The following SPATS2 variants were observed in gnomAD, a reference collection of about 807,000 sequenced individuals.
SPATS2 encodes the protein spermatogenesis associated serine rich 2.
Under a neutral mutation model 63.7 loss-of-function variants are expected in SPATS2, and 38 were observed. The ratio of observed to expected loss-of-function variants is 0.60; its 90% confidence interval spans 0.46 to 0.78. SPATS2 has a LOEUF of 0.78. Among genes scored for constraint, SPATS2 ranks in the 30% least tolerant of loss-of-function variants. The pLI, the probability that SPATS2 is intolerant of heterozygous loss-of-function variation, is 0.00. For missense variants in SPATS2, 588 were observed against 666.2 expected, an observed-to-expected ratio of 0.88 and a Z score of 1.29; for synonymous variants, 207 against 232.9, an observed-to-expected ratio of 0.89 and a Z score of 1.01.
intron 3 of SPATS2, among the ~76,000 whole-genome samples, chr12:49,477,077 T>G (rs1946131399): frequency 6.6e-6 from 1 of 150,726 alleles, no homozygotes. Context: ...CACTCCGGCC[T>G]GGGCAACAAG....
At chr12:49,449,000 A>G (rs934258624) in intron 2 of SPATS2, among the ~76,000 whole-genome samples, 1 of 152,246 alleles carries the variant, frequency 6.6e-6, no homozygotes, top group African/African-American at 2.4e-5. Context: ...CAAATACAAT[A>G]CATAAATCAA....
At chr12:49,389,878 GA>G in intron 2 of SPATS2, 1 of 828,096 alleles carries the variant, frequency 1.2e-6, no homozygotes, top group Non-Finnish European at 2.2e-6. Context: ...GATGATCCGG[GA>G]AAAATAATGA....
At chr12:49,426,712 T>A (rs187152161) in intron 2 of SPATS2, among the ~76,000 whole-genome samples, 1 of 152,034 alleles carries the variant, frequency 6.6e-6, no homozygotes, top group Admixed American at 6.6e-5. Context: ...CCCAGCTAAT[T>A]TTTTGTATTT....
intron 13 of SPATS2, 66 bp from the exon 14 acceptor site, chr12:49,525,878 G>C: frequency 6.5e-7 from 1 of 1,538,684 alleles, no homozygotes; most frequent in Non-Finnish European, 8.8e-7. Flanking sequence ...GAATACTCCT[G>C]TAAAGTGAAC....
intron 3 of SPATS2, chr12:49,463,104 A>G (rs1341341347): frequency 6.6e-6 from 1 of 152,108 alleles, no homozygotes; most frequent in Non-Finnish European, 1.5e-5. Context: ...AAAAGAATTT[A>G]AATTTTAGAC....
intron 2 of SPATS2, among the ~76,000 whole-genome samples, chr12:49,411,564 T>C (rs143348124): frequency 2.0e-3 from 304 of 152,304 alleles, no homozygotes; most frequent in African/African-American, 6.7e-3. Flanking sequence ...AAGAATCATA[T>C]CTAAAGCAGA....
chr12:49,385,427 G>A (rs796869632), intron 2 of SPATS2, among the ~76,000 whole-genome samples: 3 of 150,402 alleles, frequency 2.0e-5, no homozygotes, highest in African/African-American at 7.4e-5. Context: ...AGATTCAGAT[G>A]TAGTGAGGGA....
intron 2 of SPATS2, among the ~76,000 whole-genome samples, chr12:49,413,414 A>G (rs1944833404): frequency 6.6e-6 from 1 of 151,858 alleles, no homozygotes; most frequent in African/African-American, 2.4e-5. Flanking sequence ...CCGTAGAGAC[A>G]GGGTCTTGCT....
chr12:49,505,080 A>T (rs1373959961), intron 9 of SPATS2, among the ~76,000 whole-genome samples: 1 of 149,416 alleles, frequency 6.7e-6, no homozygotes, highest in Non-Finnish European at 1.5e-5. Context: ...TTTTTTTTTT[A>T]ACGTTAAATC....
chr12:49,410,805 CCAG>C (rs1231803506), intron 2 of SPATS2, among the ~76,000 whole-genome samples: 8 of 149,962 alleles, frequency 5.3e-5, no homozygotes, highest in African/African-American at 2.0e-4. Flanking sequence ...TTTTTGGAAA[CCAG>C]CATTTTCTCC....
In SPATS2 at chr12:49,401,924, C is replaced by G. The variant is rs142974023; in HGVS notation, c.-244+30634C>G. ...TGTTGGCCAGGCTGGTCTTGAACTC[C>G]TGACCTCAAATGATCCACCTGCCTG... is the stretch of plus-strand genomic sequence containing the variant. On this transcript the variant is annotated intron_variant, in intron 2 of 13. Coordinates refer to ENST00000552918, the MANE Select transcript of SPATS2 (RefSeq NM_023071.4). Among the ~76,000 whole-genome samples, 474 of 152,230 alleles carry G rather than the reference C, an allele frequency of 3.1e-3. 1 individual carries two copies. Among genetic ancestry groups the G allele is most frequent in the Middle Eastern group, 0.01 (3 of 294 alleles).
At chr12:49,493,008 G>T (rs182066021) in intron 6 of SPATS2, among the ~76,000 whole-genome samples, 67 of 151,302 alleles carry the variant, frequency 4.4e-4, no homozygotes, top group Non-Finnish European at 1.6e-4. Flanking sequence ...CAAGTCAGGA[G>T]AATTGCTTGA....
chr12:49,419,236 A>G (rs978402897), intron 2 of SPATS2, among the ~76,000 whole-genome samples: 9 of 152,248 alleles, frequency 5.9e-5, no homozygotes, highest in Non-Finnish European at 1.5e-5. Context: ...ATTCATTTTA[A>G]GACTTACAAT....
intron 8 of SPATS2, among the ~76,000 whole-genome samples, chr12:49,498,137 A>ATATATATAT: frequency 2.5e-5 from 2 of 79,038 alleles, no homozygotes; most frequent in African/African-American, 1.3e-4. Context: ...CAAGCCAAAA[A>ATATATATAT]AAAAAAAAAT....
chr12:49,382,337 A>G (rs991502928), intron 2 of SPATS2, among the ~76,000 whole-genome samples: 4 of 152,260 alleles, frequency 2.6e-5, no homozygotes, highest in Non-Finnish European at 5.9e-5. Flanking sequence ...TGGACAGTAC[A>G]GAAATAAATG....
chr12:49,438,990 A>G (rs1218613263), intron 2 of SPATS2, among the ~76,000 whole-genome samples: 2 of 152,222 alleles, frequency 1.3e-5, no homozygotes, highest in Non-Finnish European at 2.9e-5. Context: ...ATATAATGCT[A>G]GATAGTAACA....
chr12:49,467,738 G>C (rs748334674), intron 3 of SPATS2, among the ~76,000 whole-genome samples: 7 of 151,674 alleles, frequency 4.6e-5, no homozygotes, highest in Non-Finnish European at 7.4e-5. Context: ...TCGCTCTGTC[G>C]CCCAGGCTAG....
In SPATS2 at chr12:49,484,688, GATAGTAAACTTAAATGTC is replaced by G; in HGVS notation, c.105+24_105+41del. On this transcript the variant is annotated intron_variant, in intron 4 of 13. Transcript: ENST00000552918. ...AGAGAAGGTAAGACTAGTCACTATG[GATAGTAAACTTAAATGTC>G]ATAGGAAAATTTAGGTACTAATACG... is the stretch of plus-strand genomic sequence containing the variant. 6.2e-7 allele frequency: 1 copy of G among 1,610,542 alleles called. No individual in the cohort carries two copies. The highest frequency in any genetic ancestry group is 8.5e-7 in the Non-Finnish European group (1 of 1,177,094).
chr12:49,422,832 A>T (rs899440387), intron 2 of SPATS2, among the ~76,000 whole-genome samples: 2 of 152,074 alleles, frequency 1.3e-5, no homozygotes, highest in Non-Finnish European at 2.9e-5. Flanking sequence ...GAATCGTTTG[A>T]GCCCAGGAGA....
Sources: gnomAD v4.1 joint callset for allele counts (sites outside exome capture counted in the v4.1 genomes callset) on GRCh38, gnomAD v4.1.1 for gene constraint, MANE v1.5 for transcripts, NCBI Gene and HGNC (gene_info 2026-07-23, HGNC 2026-07-21) for gene names.